The following GRK6 variants were observed in gnomAD, a reference collection of about 807,000 sequenced individuals.
The protein encoded by GRK6 is G protein-coupled receptor kinase 6.
Under a neutral mutation model 80.8 loss-of-function variants are expected in GRK6, and 37 were observed. That is an observed-to-expected ratio of 0.46 (90% CI 0.35 to 0.60). The LOEUF (loss-of-function observed/expected upper bound fraction) is 0.60, where lower values mean the gene tolerates loss of function less well. GRK6 is among the 20% of genes least tolerant of loss of function. GRK6 has a pLI of 0.00. For synonymous variants in GRK6, 295 were observed against 320.9 expected, an observed-to-expected ratio of 0.92 and a Z score of 0.86; for missense variants, 560 against 784.6, an observed-to-expected ratio of 0.71 and a Z score of 3.42.
At chr5:177,434,159 G>C in intron 9 of GRK6, 55 bp downstream of exon 9, 5 of 1,468,348 alleles carry the variant, frequency 3.4e-6, no homozygotes, top group Non-Finnish European at 4.5e-6. Context: ...AGCGACTGCA[G>C]CTGGGCCTGG....
chr5:177,435,955 T>TC (rs1764125756), intron 11 of GRK6, 118 bp from the exon 12 acceptor site: 4 of 823,754 alleles, frequency 4.9e-6, no homozygotes, highest in Non-Finnish European at 7.8e-6. Flanking sequence ...CTGGCCAAGG[T>TC]CCCCCCTGGC....
rs767460977 is a variant in GRK6, at chr5:177,440,662, G to A, written c.1405-38G>A. 2.2e-5 allele frequency: 36 copies of A among 1,609,548 alleles called. No homozygotes were observed. In the Admixed American group the frequency reaches 6.0e-4, roughly 27 times the overall value. On this transcript the variant is annotated intron_variant, in intron 13 of 15. Transcript: ENST00000355472. ...CTGAGCTGCCTTCGCGTGTGCGTGT[G>A]TGTGTTTCCTATCTGACCGTTGCCT...
At position 177,440,782 on chromosome 5, in the gene GRK6, A is replaced by C; in HGVS notation, c.1487A>C (p.Gln496Pro). ...GGCGTGGAGCTGGAGCCTACCGACC[A>C]GGACTTCTACCAGAAGTTTGCCACA... is the stretch of plus-strand genomic sequence containing the variant. ...VKGVELEPTDQDFYQKFATGS... is the reference protein window; with the variant it reads ...VKGVELEPTDPDFYQKFATGS... The change falls in exon 14 of 16, where the codon CAG becomes CCG. Residue 496 changes from glutamine to proline, a missense_variant. Gln to Pro is a moderately conservative substitution (Grantham distance 76). Coordinates refer to ENST00000355472, the MANE Select transcript of GRK6 (RefSeq NM_001004106.3). 6.2e-7 allele frequency: 1 copy of C among 1,614,210 alleles called. No homozygotes were observed. Among genetic ancestry groups the C allele is most frequent in the Non-Finnish European group, 8.5e-7 (1 of 1,180,034 alleles).
Position 177,442,370 on chromosome 5 carries a change from C to T in GRK6, c.*580C>T, listed in dbSNP as rs1296204180. 6.4e-6 allele frequency: 1 copy of T among 155,446 alleles called. No individual in the cohort carries two copies. Among genetic ancestry groups the T allele is most frequent in the Non-Finnish European group, 1.4e-5 (1 of 69,738 alleles). 9.6% of individuals were successfully genotyped at this position (155,446 alleles called of 1,614,324 possible). ...GCGCTGGGTCTGGGGCCTCTGTATGCCCTAGGCCTGTGCCAAAGTGGCCAG... is the reference window on the plus strand; with the variant it reads ...GCGCTGGGTCTGGGGCCTCTGTATGTCCTAGGCCTGTGCCAAAGTGGCCAG... On this transcript the variant is annotated 3_prime_UTR_variant, in exon 16 of 16. Coordinates refer to ENST00000355472, the MANE Select transcript of GRK6 (RefSeq NM_001004106.3).
intron 13 of GRK6, chr5:177,440,179 TAAA>T (rs1245850753): frequency 6.5e-6 from 1 of 153,914 alleles, no homozygotes; most frequent in Non-Finnish European, 1.4e-5. Context: ...AATGTTAAGA[TAAA>T]AAAAGAAGGT....
Position 177,426,894 on chromosome 5 carries a change from G to A in GRK6, c.49G>A (p.Glu17Lys). The A allele has an allele frequency of 1.4e-6, 2 of 1,396,232 alleles. No individual in the cohort carries two copies. The highest frequency in any genetic ancestry group is 1.9e-6 in the Non-Finnish European group (2 of 1,068,392). 86.5% of individuals were successfully genotyped at this position (1,396,232 alleles called of 1,614,324 possible). Residue 17 changes from glutamate (E) to lysine (K), a missense_variant, in exon 1 of 16, where the codon GAA (glutamate) becomes AAA (lysine). Transcript: ENST00000355472. ...VANTVLLKAREGGGGNRKGKS... is the reference protein window; with the variant it reads ...VANTVLLKARKGGGGNRKGKS... Reference sequence around the variant, plus strand: ...GAACACGGTGCTACTCAAGGCCCGGGAAGGTGAGGCGGCCGGGTGGGCGGC... The same window carrying A: ...GAACACGGTGCTACTCAAGGCCCGGAAAGGTGAGGCGGCCGGGTGGGCGGC...
Position 177,433,939 on chromosome 5 carries a change from C to T in GRK6, c.764C>T (p.Thr255Ile), listed in dbSNP as rs1370382342. ...GTGAGCTTGGCCTACGCCTATGAGA[C>T]CAAGGACGCGCTGTGCCTGGTGCTG... is the stretch of plus-strand genomic sequence containing the variant. ...FVVSLAYAYE[T>I]KDALCLVLTL... The change falls in exon 9 of 16, where the codon ACC becomes ATC. Residue 255 changes from threonine (T) to isoleucine (I), a missense_variant. By Grantham distance (89) the Thr-to-Ile change is moderately conservative. Around this residue, in one of 3 missense-constraint regions of GRK6, gnomAD observed 77 missense variants for 156.9 expected, o/e 0.49. Transcript: ENST00000355472. The T allele has an allele frequency of 1.9e-6, 3 of 1,597,786 alleles. No homozygotes were observed. The highest frequency in any genetic ancestry group is 2.3e-5 in the South Asian group (2 of 88,824).
chr5:177,425,566 T>C (rs1022531261), upstream of GRK6, among the ~76,000 whole-genome samples: 1 of 152,236 alleles, frequency 6.6e-6, no homozygotes, highest in African/African-American at 2.4e-5. Context: ...TATCTCACCC[T>C]GCCCTCACTT....
Position 177,429,863 on chromosome 5 carries a change from C to G in GRK6, c.53-1009C>G, listed in dbSNP as rs1476605669. 2.6e-5 allele frequency among the ~76,000 whole-genome samples: 4 copies of G among 152,168 alleles called. No individual in the cohort carries two copies. The highest frequency in any genetic ancestry group is 7.2e-5 in the African/African-American group (3 of 41,438). ...TCACTACGTAACACACATGGAGAAG[C>G]TGAGGTTCACAGATAGCGAGTGATG... is the stretch of plus-strand genomic sequence containing the variant. On this transcript the variant is annotated intron_variant, in intron 1 of 15. Coordinates refer to ENST00000355472, the MANE Select transcript of GRK6 (RefSeq NM_001004106.3). This position sits in a 1 kb window ranked among gnomAD's most constrained non-coding sequence, Gnocchi z 4.3.
At chr5:177,427,048 C>T (rs990459324) in intron 1 of GRK6, 151 bp downstream of exon 1, 3 of 373,692 alleles carry the variant, frequency 8.0e-6, no homozygotes, top group East Asian at 4.9e-5. Context: ...TCCGGCCCGT[C>T]GTCTTCCTCC....
upstream of GRK6, among the ~76,000 whole-genome samples, chr5:177,425,892 G>A (rs1763632138): frequency 6.6e-6 from 1 of 152,226 alleles, no homozygotes; most frequent in African/African-American, 2.4e-5. Context: ...TTGACGTCCG[G>A]CGCCTCAGCT....
chr5:177,431,136 C>T (rs1462009710), intron 2 of GRK6, among the ~76,000 whole-genome samples, 169 bp downstream of exon 2: 2 of 152,174 alleles, frequency 1.3e-5, no homozygotes, highest in African/African-American at 2.4e-5. Context: ...GGGCTTGGGA[C>T]GGGTGGAGAG....
intron 2 of GRK6, 78 bp downstream of exon 2, chr5:177,431,045 C>G: frequency 7.1e-6 from 9 of 1,275,624 alleles, no homozygotes; most frequent in Non-Finnish European, 1.0e-5. Flanking sequence ...TGAGACCTTG[C>G]CCCGGAGCAG....
chr5:177,436,334 T>TTGCCCCCCC, intron 12 of GRK6, 53 bp downstream of exon 12: 2 of 1,556,026 alleles, frequency 1.3e-6, no homozygotes, highest in Non-Finnish European at 1.8e-6. Context: ...GATGCACCTT[T>TTGCCCCCCC]CCCTCCCTCC....
Position 177,441,932 on chromosome 5 carries a change from G to A in GRK6, c.*142G>A, listed in dbSNP as rs750712271. The A allele has an allele frequency of 4.1e-5, 31 of 762,932 alleles. No homozygotes were observed. The highest frequency in any genetic ancestry group is 3.4e-4 in the Admixed American group (14 of 41,722). 47.3% of individuals were successfully genotyped at this position (762,932 alleles called of 1,614,324 possible). A position where few individuals can be genotyped will look rare whatever the true frequency, so the allele number is the denominator to read the frequency against. ...GACGGAGCTGTCCCCAGTGTCCTCC[G>A]TCCCTCAGCCCCTGGCCTGGCTGAG... On this transcript the variant is annotated 3_prime_UTR_variant, in exon 16 of 16. Transcript: ENST00000355472.
rs1305694400 is a variant in GRK6, at chr5:177,441,942, C to A, written c.*152C>A. 1 of 714,682 alleles carries A rather than the reference C, an allele frequency of 1.4e-6. No individual in the cohort carries two copies. The allele number at this position is 714,682 out of a possible 1,614,324, so 44.3% of individuals were successfully genotyped here. On this transcript the variant is annotated 3_prime_UTR_variant, in exon 16 of 16. Transcript: ENST00000355472. ...TCCCCAGTGTCCTCCGTCCCTCAGC[C>A]CCTGGCCTGGCTGAGTTTGGCAGGG...
rs1380199272 is a variant in GRK6, at chr5:177,429,289, G to T, written c.53-1583G>T. 6.6e-6 allele frequency among the ~76,000 whole-genome samples: 1 copy of T among 152,146 alleles called. No individual in the cohort carries two copies. Among genetic ancestry groups the T allele is most frequent in the Non-Finnish European group, 1.5e-5 (1 of 68,032 alleles). ...GAGGGGGCCCAGGGACACTGAAAGG[G>T]GACAGGGAGGGTGGGGAAGAGCTCC... On this transcript the variant is annotated intron_variant, in intron 1 of 15. Transcript: ENST00000355472. This position sits in a 1 kb window ranked among gnomAD's most constrained non-coding sequence, Gnocchi z 4.3.
chr5:177,441,762 G>T lies in GRK6; in HGVS notation c.1703G>T (p.Ser568Ile), dbSNP rs770397356. The change falls in exon 16 of 16, where the codon AGC becomes ATC. Residue 568 changes from serine (S) to isoleucine (I), a missense_variant. Physicochemically the swap from Ser to Ile is moderately radical, Grantham distance 142 (BLOSUM62 -2). Transcript: ENST00000355472. ...RQDCCGNCSD[S>I]EEELPTRL ...GATTGCTGTGGAAACTGCAGCGACA[G>T]CGAGGAAGAGCTCCCCACCCGCCTC... 5 of 1,612,914 alleles carry T rather than the reference G, an allele frequency of 3.1e-6. No homozygotes were observed. The South Asian group carries it at 5.5e-5, about 18-fold the overall frequency.
chr5:177,435,214 A>C (rs1764089954), intron 11 of GRK6, 93 bp downstream of exon 11: 1 of 905,628 alleles, frequency 1.1e-6, no homozygotes, highest in South Asian at 1.7e-5. Flanking sequence ...GTCTTCTCTC[A>C]AAAGGGGCCT....
Sources: gnomAD v4.1 joint callset for allele counts (sites outside exome capture counted in the v4.1 genomes callset) on GRCh38, gnomAD v4.1.1 for gene constraint, gnomAD v4.1.1 regional missense constraint, Gnocchi (gnomAD v3.1) non-coding constraint, MANE v1.5 for transcripts, NCBI Gene and HGNC (gene_info 2026-07-23, HGNC 2026-07-21) for gene names.